Variants in GRIP1 observed in about 807,000 individuals in gnomAD.
The protein encoded by GRIP1 is glutamate receptor interacting protein 1.
GRIP1 carries 45 observed loss-of-function variants against 129.9 expected under a neutral mutation model. The observed-to-expected ratio is 0.35, with a 90% CI of 0.27 to 0.44. The LOEUF (loss-of-function observed/expected upper bound fraction) is 0.44, where lower values mean the gene tolerates loss of function less well. Ranked by LOEUF, GRIP1 falls within the 20% of genes least tolerant of loss-of-function variation. The pLI is 1.00. For missense variants in GRIP1, 1,196 were observed against 1,396.8 expected, an observed-to-expected ratio of 0.86 and a Z score of 2.29; for synonymous variants, 530 against 520.8, an observed-to-expected ratio of 1.02 and a Z score of -0.24.
At chr12:66,769,534 C>T (rs1298094680) in intron 1 of GRIP1, among the ~76,000 whole-genome samples, 1 of 152,122 alleles carries the variant, frequency 6.6e-6, no homozygotes, top group Non-Finnish European at 1.5e-5. Context: ...GGAATCTTCA[C>T]TGCATTATTC....
intron 1 of GRIP1, among the ~76,000 whole-genome samples, chr12:66,849,477 C>T (rs1052558214): frequency 3.9e-5 from 6 of 152,046 alleles, no homozygotes; most frequent in Admixed American, 1.3e-4. Flanking sequence ...TGGCTGGGTA[C>T]AGTGGCTCAT....
At chr12:66,590,227 C>T (rs1342257944) in intron 2 of GRIP1, among the ~76,000 whole-genome samples, 1 of 152,130 alleles carries the variant, frequency 6.6e-6, no homozygotes, top group East Asian at 1.9e-4. Context: ...AAAGCACAGT[C>T]ACCACAAAAA....
rs1361381900 is a variant in GRIP1 at position 66,460,313 on chromosome 12, A to G, written c.1042+2611T>C. 3.3e-5 allele frequency among the ~76,000 whole-genome samples: 5 copies of G among 152,196 alleles called. No homozygotes were observed. In the East Asian group the frequency reaches 7.7e-4, roughly 23 times the overall value. ...CGTCACTACTGCAGTCTCAAGAGATATATGGCCACAGAAGTTACTTTTCTT... is the reference window on the plus strand; with the variant it reads ...CGTCACTACTGCAGTCTCAAGAGATGTATGGCCACAGAAGTTACTTTTCTT... On this transcript the variant is annotated intron_variant, in intron 9 of 24. Transcript: ENST00000359742.
At chr12:66,409,395 T>C (rs1259487157) in intron 15 of GRIP1, among the ~76,000 whole-genome samples, 2 of 152,248 alleles carry the variant, frequency 1.3e-5, no homozygotes, top group Non-Finnish European at 2.9e-5. Context: ...GTAATCCAGA[T>C]GATTCTTCTG....
At chr12:66,425,963 A>C (rs1373168620) in intron 14 of GRIP1, among the ~76,000 whole-genome samples, 1 of 152,160 alleles carries the variant, frequency 6.6e-6, no homozygotes, top group Non-Finnish European at 1.5e-5. Flanking sequence ...CCTAAAACTT[A>C]AAGTATAATA....
chr12:66,473,699 G>A (rs1049312600), intron 7 of GRIP1, among the ~76,000 whole-genome samples: 6 of 152,362 alleles, frequency 3.9e-5, no homozygotes, highest in Admixed American at 6.5e-5. Context: ...AGGGTCTGCA[G>A]TGGACATCCA....
chr12:66,710,639 C>T (rs2035682611), intron 1 of GRIP1, among the ~76,000 whole-genome samples: 1 of 151,834 alleles, frequency 6.6e-6, no homozygotes, highest in African/African-American at 2.4e-5. Context: ...ACCTTAAATA[C>T]AAAGAAGAAA....
intron 1 of GRIP1, among the ~76,000 whole-genome samples, chr12:66,797,533 C>G (rs2038735183): frequency 6.6e-6 from 1 of 152,090 alleles, no homozygotes; most frequent in Non-Finnish European, 1.5e-5. Context: ...TTTTTAGTCC[C>G]ATTAAGAGAA....
At chr12:66,526,395 C>A in intron 5 of GRIP1, among the ~76,000 whole-genome samples, 1 of 152,210 alleles carries the variant, frequency 6.6e-6, no homozygotes, top group East Asian at 1.9e-4. Context: ...ACCATCTGAT[C>A]TTTGACAAAC....
chr12:66,773,267 G>C (rs2037877086), intron 1 of GRIP1, among the ~76,000 whole-genome samples: 1 of 152,178 alleles, frequency 6.6e-6, no homozygotes, highest in African/African-American at 2.4e-5. Flanking sequence ...CCAAGTCTTT[G>C]CTATTGTGAG....
intron 1 of GRIP1, among the ~76,000 whole-genome samples, chr12:66,816,116 T>A (rs1453848965): frequency 6.6e-6 from 1 of 152,202 alleles, no homozygotes; most frequent in East Asian, 1.9e-4. Context: ...CTGTCACTTC[T>A]GTGTAGATGT....
rs373644770 is a variant in GRIP1, at chr12:67,026,455, G to A, written c.58+42595C>T. ...GGTTTCCTAAATGAGGTTAATAACC[G>A]TATCTCCTCCCTCAAAAGGTTGTCC... On this transcript the variant is annotated intron_variant, in intron 1 of 1. Transcript: ENST00000643019. 6.1e-4 allele frequency among the ~76,000 whole-genome samples: 93 copies of A among 152,232 alleles called. 1 individual carries two copies. The South Asian group carries it at 0.018, about 30-fold the overall frequency.
chr12:66,427,226 G>A (rs2058015905), intron 14 of GRIP1, among the ~76,000 whole-genome samples: 1 of 152,032 alleles, frequency 6.6e-6, no homozygotes, highest in Non-Finnish European at 1.5e-5. Context: ...TGCCAAATTT[G>A]GTTGCTGTTG....
intron 15 of GRIP1, among the ~76,000 whole-genome samples, chr12:66,413,744 T>C (rs575066976): frequency 6.6e-6 from 1 of 152,164 alleles, no homozygotes; most frequent in Non-Finnish European, 1.5e-5. Flanking sequence ...AAAAAGTTTA[T>C]CCACCACGAT....
intron 7 of GRIP1, among the ~76,000 whole-genome samples, chr12:66,494,905 A>C (rs1367613508): frequency 1.3e-5 from 2 of 152,146 alleles, no homozygotes; most frequent in Non-Finnish European, 2.9e-5. Flanking sequence ...AAGAAAGCAA[A>C]AAAGAGAGAA....
chr12:66,575,928 T>C (rs2063124485), intron 2 of GRIP1, among the ~76,000 whole-genome samples: 1 of 152,160 alleles, frequency 6.6e-6, no homozygotes, highest in Admixed American at 6.5e-5. Context: ...GCCCTAGCTG[T>C]TTAGAATATA....
intron 1 of GRIP1, among the ~76,000 whole-genome samples, chr12:67,062,599 A>G (rs2043554403): frequency 2.0e-5 from 3 of 152,136 alleles, no homozygotes. Context: ...AATCTGTACA[A>G]GAGTAGAGAA....
chr12:67,046,397 C>T (rs1273288068), intron 1 of GRIP1, among the ~76,000 whole-genome samples: 1 of 152,180 alleles, frequency 6.6e-6, no homozygotes, highest in East Asian at 1.9e-4. Flanking sequence ...ATACAAGATT[C>T]CTGACATTGC....
intron 1 of GRIP1, among the ~76,000 whole-genome samples, chr12:66,678,302 T>C (rs1344590828): frequency 6.6e-6 from 1 of 152,138 alleles, no homozygotes; most frequent in African/African-American, 2.4e-5. Flanking sequence ...TAGTATTACA[T>C]AGGACCAAAG....
Sources: gnomAD v4.1 joint callset for allele counts (sites outside exome capture counted in the v4.1 genomes callset) on GRCh38, gnomAD v4.1.1 for gene constraint, MANE v1.5 for transcripts, NCBI Gene and HGNC (gene_info 2026-07-23, HGNC 2026-07-21) for gene names.